The following PDE11A variants were observed in gnomAD, a reference collection of about 807,000 sequenced individuals.
PDE11A encodes phosphodiesterase 11A, also known as dual 3',5'-cyclic-AMP and -GMP phosphodiesterase 11A.
In PDE11A, 100 loss-of-function variants were observed where a neutral mutation model predicts 100.5. That is an observed-to-expected ratio of 1.00 (90% CI 0.85 to 1.18). The LOEUF (loss-of-function observed/expected upper bound fraction) is 1.18, where lower values mean the gene tolerates loss of function less well. Among genes scored for constraint, PDE11A ranks in the 50% most tolerant of loss-of-function variants. PDE11A has a pLI of 0.00. For missense variants in PDE11A, 1,141 were observed against 1,152.6 expected (o/e 0.99, Z 0.15); for synonymous variants, 381 against 420.8 (o/e 0.91, Z 1.16).
chr2:177,666,698 T>A (rs947795189), intron 18 of PDE11A, among the ~76,000 whole-genome samples: 1 of 150,902 alleles, frequency 6.6e-6, no homozygotes, highest in African/African-American at 2.4e-5. Flanking sequence ...ACATATTTTC[T>A]TTGGAGATAT....
At chr2:177,921,594 A>C (rs1574280601) in intron 2 of PDE11A, 2 of 151,736 alleles carry the variant, frequency 1.3e-5, no homozygotes, top group Admixed American at 6.6e-5. Flanking sequence ...ACATTTTACG[A>C]GTCTGATTGG....
chr2:177,920,007 G>A (rs187347524), intron 2 of PDE11A, among the ~76,000 whole-genome samples: 45 of 152,144 alleles, frequency 3.0e-4, no homozygotes, highest in Admixed American at 2.6e-3. Context: ...TCAATAAATC[G>A]TGTTGGGACA....
At chr2:177,965,235 ATTTG>A (rs1418943791) in intron 2 of PDE11A, among the ~76,000 whole-genome samples, 1 of 152,052 alleles carries the variant, frequency 6.6e-6, no homozygotes, top group Non-Finnish European at 1.5e-5. Flanking sequence ...TTGCTTGCTA[ATTTG>A]TTTAAGTTCC....
intron 2 of PDE11A, among the ~76,000 whole-genome samples, chr2:177,999,835 A>G (rs2086122240): frequency 1.3e-5 from 2 of 152,228 alleles, no homozygotes; most frequent in Non-Finnish European, 2.9e-5. Flanking sequence ...CCTTTCAAGA[A>G]CTGTGTCTAA....
chr2:178,077,252 C>CT (rs1416570218), upstream of PDE11A, among the ~76,000 whole-genome samples: 2 of 72,888 alleles, frequency 2.7e-5, no homozygotes, highest in African/African-American at 4.2e-5. Context: ...CTTTTCTTTT[C>CT]TTTCTTTCTT....
intron 19 of PDE11A, among the ~76,000 whole-genome samples, chr2:177,662,637 AT>A (rs1485263569): frequency 6.6e-6 from 1 of 152,196 alleles, no homozygotes; most frequent in African/African-American, 2.4e-5. Flanking sequence ...ATCATTTTCT[AT>A]TTTGTTTGCC....
chr2:177,921,092 C>CA (rs1457938013), intron 2 of PDE11A, among the ~76,000 whole-genome samples: 49 of 138,204 alleles, frequency 3.5e-4, no homozygotes, highest in Middle Eastern at 7.9e-3. Flanking sequence ...TCAAAAATAA[C>CA]TTTTTTTTTT....
At chr2:177,838,175 T>A (rs1242633547) in intron 6 of PDE11A, among the ~76,000 whole-genome samples, 3 of 152,184 alleles carry the variant, frequency 2.0e-5, no homozygotes, top group African/African-American at 7.2e-5. Flanking sequence ...GGCAGGTAGA[T>A]CCCTCTCAAA....
chr2:177,668,379 T>C, intron 18 of PDE11A, among the ~76,000 whole-genome samples: 1 of 152,334 alleles, frequency 6.6e-6, no homozygotes, highest in South Asian at 2.1e-4. Context: ...TTTTATACAT[T>C]AACTGTATGT....
In PDE11A at chr2:177,924,213, ATG is replaced by A. The variant is rs2085095047; in HGVS notation, c.1072-19028_1072-19027del. On this transcript the variant is annotated intron_variant, in intron 2 of 19. Transcript: ENST00000286063. ...TTCTTGTCTTCACTTACTCAAATAA[ATG>A]TAATATGATCACATATGAACCCAAA... is the stretch of plus-strand genomic sequence containing the variant. Among the ~76,000 whole-genome samples, 3 of 152,350 alleles carry A rather than the reference ATG, an allele frequency of 2.0e-5. No individual in the cohort carries two copies. The South Asian group carries it at 6.2e-4, about 32-fold the overall frequency.
At chr2:177,676,000 T>C (rs2080767076) in intron 16 of PDE11A, 1 of 280,702 alleles carries the variant, frequency 3.6e-6, no homozygotes, top group Non-Finnish European at 6.9e-6. Context: ...CTCCTTCATT[T>C]TCATCTGCTC....
chr2:177,907,001 GGGGACAAAT>G (rs2084800109), intron 2 of PDE11A, among the ~76,000 whole-genome samples: 1 of 152,100 alleles, frequency 6.6e-6, no homozygotes, highest in Non-Finnish European at 1.5e-5. Context: ...TTTGCCTTCA[GGGGACAAAT>G]TTAAGGTGGT....
chr2:177,795,935 C>CTATATATATATATATATATA lies in PDE11A; in HGVS notation c.1737+20874_1737+20893dup, dbSNP rs55861102. On this transcript the variant is annotated intron_variant, in intron 9 of 19. Transcript: ENST00000286063. ...AATTATTACTATTATTTTGTTTAAA[C>CTATATATATATATATATATA]TATATATATATATATATATATATAT... 6.1e-4 allele frequency among the ~76,000 whole-genome samples: 41 copies of CTATATATATATATATATATA among 67,246 alleles called. 1 individual carries two copies. The highest frequency in any genetic ancestry group is 1.1e-3 in the Non-Finnish European group (29 of 27,590). The allele number at this position is 67,246 out of a possible 152,430, so 44.1% of individuals were successfully genotyped here.
chr2:177,673,200 G>T (rs1414159494), intron 17 of PDE11A, among the ~76,000 whole-genome samples: 1 of 152,206 alleles, frequency 6.6e-6, no homozygotes, highest in African/African-American at 2.4e-5. Context: ...AAACGTACAA[G>T]AGAGTTTTGG....
chr2:177,654,253 C>T (rs2105464664), intron 19 of PDE11A, among the ~76,000 whole-genome samples: 1 of 152,314 alleles, frequency 6.6e-6, no homozygotes, highest in Admixed American at 6.5e-5. Context: ...GATGCGGTGG[C>T]TCATGCCTGT....
At chr2:178,014,208 C>T in intron 2 of PDE11A, 94 bp downstream of exon 2, 4 of 967,106 alleles carry the variant, frequency 4.1e-6, no homozygotes, top group South Asian at 2.6e-5. Context: ...TGGGCTAATC[C>T]AACAGCTATT....
intron 10 of PDE11A, among the ~76,000 whole-genome samples, chr2:177,758,564 G>T (rs867293920): frequency 2.0e-5 from 3 of 152,202 alleles, no homozygotes. Flanking sequence ...GCAAGGAAAT[G>T]AATGCATTGA....
intron 1 of PDE11A, among the ~76,000 whole-genome samples, chr2:178,033,851 G>A (rs1559048883): frequency 6.6e-6 from 1 of 152,104 alleles, no homozygotes; most frequent in African/African-American, 2.4e-5. Context: ...AAATGCTGAG[G>A]GATTTTGTCA....
intron 2 of PDE11A, among the ~76,000 whole-genome samples, chr2:177,955,451 A>C (rs1042756587): frequency 3.3e-5 from 5 of 152,210 alleles, no homozygotes; most frequent in African/African-American, 9.6e-5. Flanking sequence ...AGAAAGGGCA[A>C]TAAATGAAGC....
Sources: allele counts gnomAD v4.1 joint callset (sites outside exome capture counted in the v4.1 genomes callset), GRCh38; gene constraint gnomAD v4.1.1; transcripts MANE v1.5; gene names NCBI Gene and HGNC (gene_info 2026-07-23, HGNC 2026-07-21).